ZNF469: variants seen among roughly 807,000 people sequenced by gnomAD.
ZNF469 encodes the protein zinc finger protein 469.
In ZNF469, 1 loss-of-function variant was observed where a neutral mutation model predicts 1.0. The observed-to-expected ratio is 1.00, with a 90% confidence interval of 0.35 to 4.73. The LOEUF (loss-of-function observed/expected upper bound fraction) is 4.73, where lower values mean the gene tolerates loss of function less well. ZNF469 is among the 30% of genes most tolerant of loss of function. The pLI is 0.16. For missense variants in ZNF469, 6,100 were observed against 5,356.3 expected (o/e 1.14, Z -4.33); for synonymous variants, 2,703 against 2,363.4 (o/e 1.14, Z -4.17).
At chr16:88,289,410 G>A in the ZNF469 span, among the ~76,000 whole-genome samples, 1 of 148,934 alleles carries the variant, frequency 6.7e-6, no homozygotes, top group Non-Finnish European at 1.5e-5. Context: ...TGGTGATGAT[G>A]ATGATGATTA....
chr16:88,371,174 T>C, the ZNF469 span, among the ~76,000 whole-genome samples: 1 of 152,270 alleles, frequency 6.6e-6, no homozygotes, highest in African/African-American at 2.4e-5. Context: ...AAAGCCTCAC[T>C]GATAGAGCAT....
At chr16:88,246,404 C>T in the ZNF469 span, among the ~76,000 whole-genome samples, 1 of 152,144 alleles carries the variant, frequency 6.6e-6, no homozygotes, top group Admixed American at 6.5e-5. Context: ...GGACCAGGAA[C>T]CCCATCTCAG....
the ZNF469 span, among the ~76,000 whole-genome samples, chr16:88,233,154 A>G: frequency 2.0e-5 from 3 of 152,202 alleles, no homozygotes; most frequent in Non-Finnish European, 4.4e-5. Flanking sequence ...TGAAGGCTGG[A>G]TGAACCGCTG....
the ZNF469 span, among the ~76,000 whole-genome samples, chr16:88,106,716 C>T: frequency 2.0e-5 from 3 of 152,252 alleles, no homozygotes; most frequent in African/African-American, 7.2e-5. Context: ...GATGGGCATT[C>T]AGGTGCAGGC....
the ZNF469 span, among the ~76,000 whole-genome samples, chr16:88,184,120 G>A: frequency 1.3e-5 from 2 of 152,002 alleles, no homozygotes; most frequent in African/African-American, 2.4e-5. Context: ...TCTGCACTGT[G>A]GCCCCCGTGT....
chr16:88,280,699 C>T, the ZNF469 span, among the ~76,000 whole-genome samples: 1 of 151,742 alleles, frequency 6.6e-6, no homozygotes, highest in East Asian at 1.9e-4. Flanking sequence ...TGGGTTAGTG[C>T]TGTGCCACAC....
the ZNF469 span, among the ~76,000 whole-genome samples, chr16:88,184,526 A>T: frequency 1.3e-5 from 2 of 151,706 alleles, no homozygotes; most frequent in African/African-American, 4.8e-5. Flanking sequence ...ACTGAGAGGC[A>T]GTTTTGCCAG....
At chr16:88,202,632 T>C in the ZNF469 span, among the ~76,000 whole-genome samples, 2 of 152,300 alleles carry the variant, frequency 1.3e-5, no homozygotes, top group African/African-American at 4.8e-5. Context: ...GGGTGTAGAA[T>C]GGACTTTGAG....
chr16:88,172,084 C>T, the ZNF469 span, among the ~76,000 whole-genome samples: 8 of 152,296 alleles, frequency 5.3e-5, no homozygotes, highest in Admixed American at 5.2e-4. Flanking sequence ...ATCAAGGTGA[C>T]CATCTCACTG....
chr16:88,164,346 A>G, the ZNF469 span, among the ~76,000 whole-genome samples: 13 of 151,880 alleles, frequency 8.6e-5, no homozygotes, highest in African/African-American at 3.1e-4. Context: ...GGGTGGATGT[A>G]TAAGTGGGTA....
chr16:88,234,402 GAGA>G, the ZNF469 span, among the ~76,000 whole-genome samples: 1 of 152,246 alleles, frequency 6.6e-6, no homozygotes, highest in Non-Finnish European at 1.5e-5. Flanking sequence ...GAGGGGCAGG[GAGA>G]AGACCTTTAG....
chr16:88,230,366 G>A, the ZNF469 span, among the ~76,000 whole-genome samples: 1 of 152,232 alleles, frequency 6.6e-6, no homozygotes, highest in Non-Finnish European at 1.5e-5. Flanking sequence ...GGCCTTGGGA[G>A]CAAGATTTGG....
At chr16:88,391,207 A>C (rs1332346541) in intron 1 of ZNF469, among the ~76,000 whole-genome samples, 1 of 152,248 alleles carries the variant, frequency 6.6e-6, no homozygotes, top group South Asian at 2.1e-4. Context: ...GAGCACCTCA[A>C]TGGTGCTGAG....
chr16:88,229,576 C>CTGAT, the ZNF469 span, among the ~76,000 whole-genome samples: 1 of 143,328 alleles, frequency 7.0e-6, no homozygotes, highest in Non-Finnish European at 1.5e-5. Flanking sequence ...CACGCTTGTG[C>CTGAT]GCTGATGTCA....
At chr16:88,231,951 G>T in the ZNF469 span, among the ~76,000 whole-genome samples, 17 of 152,158 alleles carry the variant, frequency 1.1e-4, no homozygotes, top group Admixed American at 1.0e-3. This position sits in a 1 kb window ranked among gnomAD's most constrained non-coding sequence, Gnocchi z 4.5. Context: ...CAGCCAAGCC[G>T]CAGGAGGCAG....
chr16:88,257,174 G>A, the ZNF469 span, among the ~76,000 whole-genome samples: 46,729 of 147,582 alleles, frequency 0.32, 7,852 homozygotes, highest in Middle Eastern at 0.46. Flanking sequence ...ATGTTGGCCA[G>A]GCTGGTCTCC....
chr16:88,134,123 A>T, the ZNF469 span, among the ~76,000 whole-genome samples: 1 of 152,106 alleles, frequency 6.6e-6, no homozygotes, highest in African/African-American at 2.4e-5. Flanking sequence ...GAATGAATGA[A>T]TGGAATCATC....
chr16:88,333,760 G>T, the ZNF469 span, among the ~76,000 whole-genome samples: 24 of 145,988 alleles, frequency 1.6e-4, no homozygotes, highest in African/African-American at 5.6e-4. Flanking sequence ...TAAAGATCCC[G>T]AGGAGAATAA....
In ZNF469 at chr16:88,434,982, G is replaced by C; in HGVS notation, c.7512G>C (p.Glu2504Asp). The change falls in exon 3 of 3, where the codon GAG becomes GAC. Residue 2504 changes from glutamate (E) to aspartate (D), a missense_variant. Coordinates refer to ENST00000565624, the MANE Select transcript of ZNF469 (RefSeq NM_001367624.2). ...GGCCACACCCGGGAGCCCCCGCGGA[G>C]CCGAGCCCAGCGGCCTTGCCTGCTC... ...KHRPHPGAPAEPSPAALPAQQ... is the reference protein window; with the variant it reads ...KHRPHPGAPADPSPAALPAQQ... The C allele has an allele frequency of 3.2e-6, 5 of 1,550,168 alleles. No individual in the cohort carries two copies. Among genetic ancestry groups the C allele is most frequent in the Non-Finnish European group, 4.4e-6 (5 of 1,146,936 alleles).
Sources: allele counts gnomAD v4.1 joint callset (sites outside exome capture counted in the v4.1 genomes callset), GRCh38; gene constraint gnomAD v4.1.1; non-coding constraint Gnocchi (gnomAD v3.1); transcripts MANE v1.5; gene names NCBI Gene and HGNC (gene_info 2026-07-23, HGNC 2026-07-21).